CFAP54: variants seen among roughly 807,000 people sequenced by gnomAD.
CFAP54 encodes the protein cilia- and flagella-associated protein 54.
In CFAP54, 290 loss-of-function variants were observed where a neutral mutation model predicts 370.4. The ratio of observed to expected loss-of-function variants is 0.78; its 90% CI spans 0.71 to 0.86. The LOEUF (loss-of-function observed/expected upper bound fraction) is 0.86. CFAP54 is among the 40% of genes least tolerant of loss of function. The probability of loss-of-function intolerance (pLI) is 0.00; values close to 1 mark genes in which losing one functional copy is unlikely to be tolerated. For missense variants in CFAP54, 3,399 were observed against 3,528.7 expected (o/e 0.96, Z 0.93); for synonymous variants, 1,206 against 1,236.5 (o/e 0.98, Z 0.52).
At chr12:96,504,243 T>G (rs1447660268) in intron 3 of CFAP54, among the ~76,000 whole-genome samples, 2 of 152,242 alleles carry the variant, frequency 1.3e-5, no homozygotes, top group African/African-American at 4.8e-5. Context: ...AGTCACTCAT[T>G]CATGTAGCAG....
chr12:96,551,586 A>G (rs188233825), intron 15 of CFAP54, among the ~76,000 whole-genome samples: 10 of 152,184 alleles, frequency 6.6e-5, no homozygotes, highest in African/African-American at 2.4e-4. Flanking sequence ...ATTTAACACT[A>G]GAAATACATA....
Position 96,576,704 on chromosome 12 carries a change from G to A in CFAP54, c.2739G>A (p.Leu913=), listed in dbSNP as rs755615219. ...KSRVPPPPIL[L]SRTHCSVTLK... ...GAGTCCCCCCTCCACCTATCCTGCT[G>A]TCTCGAACTCATTGTTCTGTGACAC... is the stretch of plus-strand genomic sequence containing the variant. The change falls in exon 20 of 68, where the codon CTG becomes CTA. Residue 913 remains leucine (L), a synonymous_variant. Transcript: ENST00000524981. 3.9e-5 allele frequency: 60 copies of A among 1,535,760 alleles called. No homozygotes were observed. The East Asian group carries it at 1.2e-3, about 32-fold the overall frequency.
chr12:96,647,105 TAAA>T (rs1253747754), intron 33 of CFAP54: 6 of 151,764 alleles, frequency 4.0e-5, no homozygotes, highest in African/African-American at 4.8e-5. Context: ...AGTATAATAA[TAAA>T]AAAAGAATAA....
In CFAP54 at chr12:96,840,265, A is replaced by G. The variant is rs112199630; in HGVS notation, c.9171+11177A>G. 3.5e-3 allele frequency among the ~76,000 whole-genome samples: 540 copies of G among 152,336 alleles called. 4 individuals carry two copies. Among genetic ancestry groups the G allele is most frequent in the Non-Finnish European group, 5.9e-3 (398 of 68,032 alleles). ...AGAGGATAAACTAGGTGGATTCTCA[A>G]AGCAACCTTTGAAATAATCTATGCA... On this transcript the variant is annotated intron_variant, in intron 66 of 67. Transcript: ENST00000524981.
At chr12:96,812,361 T>G (rs1269673013) in intron 64 of CFAP54, among the ~76,000 whole-genome samples, 1 of 152,136 alleles carries the variant, frequency 6.6e-6, no homozygotes, top group Non-Finnish European at 1.5e-5. Context: ...TCTAGGTTGT[T>G]TTCCTCCCTC....
In CFAP54 at chr12:96,489,665, G is replaced by A. The variant is rs957777029; in HGVS notation, c.56G>A (p.Gly19Glu). The A allele has an allele frequency of 9.1e-6, 14 of 1,535,438 alleles. No homozygotes were observed. The African/African-American group carries it at 1.2e-4, about 13-fold the overall frequency. The change falls in exon 1 of 68, where the codon GGG becomes GAG. Residue 19 changes from glycine (G) to glutamate (E), a missense_variant. Gly to Glu is a moderately conservative substitution (Grantham distance 98). Transcript: ENST00000524981. ...SSPSDDSTTS[G>E]SLPELPPTST... ...CCGTCAGACGACTCTACCACCTCGG[G>A]GTCTCTGCCAGAACTGCCGCCGACC...
chr12:96,739,836 AGTTTTGGGG>A, intron 50 of CFAP54, 111 bp from the exon 51 acceptor site: 1 of 596,064 alleles, frequency 1.7e-6, no homozygotes, highest in South Asian at 2.2e-5. Context: ...GGCACCTAAC[AGTTTTGGGG>A]GTTGTTGGCT....
At chr12:96,550,973 G>GA (rs916552986) in intron 15 of CFAP54, among the ~76,000 whole-genome samples, 3 of 152,074 alleles carry the variant, frequency 2.0e-5, no homozygotes, top group African/African-American at 7.2e-5. Flanking sequence ...AGGTAGACTA[G>GA]AAAAAAACTC....
In CFAP54 at chr12:96,527,344, A is replaced by C. The variant is rs1170552852; in HGVS notation, c.1257A>C (p.Ser419=). The C allele has an allele frequency of 2.0e-6, 3 of 1,535,884 alleles. No homozygotes were observed. In the African/African-American group the frequency reaches 4.1e-5, roughly 21 times the overall value. The change falls in exon 9 of 68, where the codon TCA becomes TCC. Residue 419 remains serine (S), a synonymous_variant. Coordinates refer to ENST00000524981, the MANE Select transcript of CFAP54 (RefSeq NM_001306084.2). ...CTGTCTTGGAAGCTCTTTCTGATTC[A>C]AATAGGCGAATACTGCAAACTGGAC... ...FLAVLEALSD[S]NRRILQTGPI...
chr12:96,725,018 C>A (rs1327655666), intron 50 of CFAP54, among the ~76,000 whole-genome samples: 1 of 152,270 alleles, frequency 6.6e-6, no homozygotes, highest in South Asian at 2.1e-4. Context: ...GGGCTCTGTT[C>A]TGTTCCATTG....
At chr12:96,677,809 G>T (rs1477522141) in intron 39 of CFAP54, among the ~76,000 whole-genome samples, 1 of 152,112 alleles carries the variant, frequency 6.6e-6, no homozygotes, top group East Asian at 1.9e-4. Context: ...GAAGCCTCCA[G>T]GATTTCTGGA....
At chr12:96,508,607 T>A (rs7485071) in intron 4 of CFAP54, among the ~76,000 whole-genome samples, 19,317 of 148,936 alleles carry the variant, frequency 0.13, 1,341 homozygotes, top group Middle Eastern at 0.17. Context: ...TTTTTTTTTT[T>A]AAAAGATTAT....
At chr12:96,605,022 C>T (rs1024706482) in intron 26 of CFAP54, among the ~76,000 whole-genome samples, 1 of 152,184 alleles carries the variant, frequency 6.6e-6, no homozygotes, top group Non-Finnish European at 1.5e-5. Context: ...AACCAGGTAC[C>T]TCAGTTGGAA....
At position 96,826,547 on chromosome 12, in the gene CFAP54, TTA is replaced by T. The variant is rs1355104604; in HGVS notation, c.9097-2460_9097-2459del. 1.9e-4 allele frequency among the ~76,000 whole-genome samples: 17 copies of T among 87,524 alleles called. No homozygotes were observed. The East Asian group carries it at 4.4e-3, about 22-fold the overall frequency. The allele number at this position is 87,524 out of a possible 152,430, so 57.4% of individuals were successfully genotyped here. A position where few individuals can be genotyped will look rare whatever the true frequency, so the allele number is the denominator to read the frequency against. Reference sequence around the variant, plus strand: ...ATATATTATATATTATATATATAATTTATATATAATATATAATATATAATATA... The same window carrying T: ...ATATATTATATATTATATATATAATTTATATAATATATAATATATAATATA... On this transcript the variant is annotated intron_variant, in intron 65 of 67. Transcript: ENST00000524981.
At chr12:96,556,120 A>C (rs994504959) in intron 17 of CFAP54, among the ~76,000 whole-genome samples, 4 of 152,036 alleles carry the variant, frequency 2.6e-5, no homozygotes, top group Non-Finnish European at 5.9e-5. Flanking sequence ...TGCACCAAAG[A>C]GTTAAATGTA....
chr12:96,751,128 A>G (rs1202424793), intron 55 of CFAP54, among the ~76,000 whole-genome samples: 1 of 152,206 alleles, frequency 6.6e-6, no homozygotes, highest in Non-Finnish European at 1.5e-5. Flanking sequence ...TAATGACTGA[A>G]CCTTGAGCTT....
At chr12:96,775,555 T>C (rs1340574566) in intron 60 of CFAP54, among the ~76,000 whole-genome samples, 3 of 152,234 alleles carry the variant, frequency 2.0e-5, no homozygotes, top group African/African-American at 7.2e-5. Flanking sequence ...TTTTAGCTCA[T>C]GAGTCCCACA....
chr12:96,788,870 C>T (rs1306670933), intron 62 of CFAP54, among the ~76,000 whole-genome samples: 2 of 152,164 alleles, frequency 1.3e-5, no homozygotes, highest in African/African-American at 2.4e-5. Context: ...ATTTTTCAAA[C>T]GACTTCCTCT....
At chr12:96,683,771 G>GA (rs58936228) in intron 40 of CFAP54, among the ~76,000 whole-genome samples, 3,723 of 149,046 alleles carry the variant, frequency 0.025, 166 homozygotes, top group African/African-American at 0.084. Flanking sequence ...GCATTCATTA[G>GA]AAAAAAAAAA....
Sources: gnomAD v4.1 joint callset for allele counts (sites outside exome capture counted in the v4.1 genomes callset) on GRCh38, gnomAD v4.1.1 for gene constraint, MANE v1.5 for transcripts, NCBI Gene and HGNC (gene_info 2026-07-23, HGNC 2026-07-21) for gene names.